Variants in FAM9C observed in about 807,000 individuals in gnomAD.
FAM9C encodes the protein family with sequence similarity 9 member C, also known as protein FAM9C.
Under a neutral mutation model 14.8 loss-of-function variants are expected in FAM9C, and 15 were observed. The ratio of observed to expected loss-of-function variants is 1.02; its 90% CI spans 0.68 to 1.56. The LOEUF (loss-of-function observed/expected upper bound fraction) is 1.56, where lower values mean the gene tolerates loss of function less well. FAM9C is among the 40% of genes most tolerant of loss of function. FAM9C has a pLI of 0.00. For synonymous variants in FAM9C, 45 were observed against 37.5 expected, an observed-to-expected ratio of 1.20 and a Z score of -0.74; for missense variants, 116 against 118.0, an observed-to-expected ratio of 0.98 and a Z score of 0.08.
At chrX:13,036,895 G>T (rs2043484041) in intron 7 of FAM9C, 1 of 110,899 alleles carries the variant, frequency 9.0e-6, no homozygotes, top group African/African-American at 3.3e-5. Flanking sequence ...TGTCCACTTA[G>T]TTGGCAAAAG....
At chrX:13,042,244 G>A (rs1250762244) in intron 4 of FAM9C, 5 of 111,720 alleles carry the variant, frequency 4.5e-5, no homozygotes. Flanking sequence ...GCTTGTTACT[G>A]GAATAATAAT....
In FAM9C at chrX:13,043,750, C is replaced by T. The variant is rs141427894; in HGVS notation, c.40G>A (p.Ala14Thr). Residue 14 changes from alanine to threonine, a missense_variant, in exon 2 of 8, where the codon GCC (alanine) becomes ACC (threonine). Ala to Thr is a moderately conservative substitution (Grantham distance 58). Transcript: ENST00000380625. Reference protein sequence around the residue: ...KDQLEVQVMAAQEMELAGKDP... With the variant: ...KDQLEVQVMATQEMELAGKDP... Reference sequence around the variant, plus strand: ...TTACCTGCAAGCTCCATTTCCTGGGCGGCCATAACTTGAACCTCCAACTGG... The same window carrying T: ...TTACCTGCAAGCTCCATTTCCTGGGTGGCCATAACTTGAACCTCCAACTGG... 2.5e-6 allele frequency: 3 copies of T among 1,212,122 alleles called. No individual in the cohort carries two copies. Among genetic ancestry groups the T allele is most frequent in the African/African-American group, 1.7e-5 (1 of 57,939 alleles).
In FAM9C at chrX:13,039,928, A is replaced by G. The variant is rs2043511678; in HGVS notation, c.330-12T>C. 1 of 1,170,764 alleles carries G rather than the reference A, an allele frequency of 8.5e-7. No homozygotes were observed. On this transcript the variant is annotated splice_polypyrimidine_tract_variant and intron_variant, in intron 5 of 7. Transcript: ENST00000380625. ...AATCACGTTTCTGCCTGTAACACAT[A>G]ATAAGTAACAAGGTCATACGTCATA...
chrX:13,042,613 T>C (rs148363427), intron 4 of FAM9C: 145 of 332,639 alleles, frequency 4.4e-4, no homozygotes, highest in African/African-American at 3.4e-3. Flanking sequence ...GTGTGTACAC[T>C]GAAAGGAACG....
At position 13,035,635 on chromosome X, in the gene FAM9C, T is replaced by C. The variant is rs913682051; in HGVS notation, c.*409A>G. The stretch of plus-strand genomic sequence containing the variant: ...GATAAAATAAGGGTTTGTCTTCTTT[T>C]ATTAGAGAAAAATGTACTTTTCCAT... On this transcript the variant is annotated 3_prime_UTR_variant, in exon 8 of 8. Transcript: ENST00000380625. The C allele has an allele frequency of 8.9e-6, 1 of 112,674 alleles. No individual in the cohort carries two copies. Among genetic ancestry groups the C allele is most frequent in the Non-Finnish European group, 1.9e-5 (1 of 53,259 alleles). 9.3% of individuals were successfully genotyped at this position (112,674 alleles called of 1,213,427 possible).
chrX:13,038,395 G>A, intron 7 of FAM9C, 21 bp downstream of exon 7: 24 of 1,101,520 alleles, frequency 2.2e-5, no homozygotes, highest in Non-Finnish European at 2.9e-5. Flanking sequence ...AGAACGTATT[G>A]TGTTACCAAA....
chrX:13,039,265 C>T (rs138259055), intron 6 of FAM9C, among the ~76,000 whole-genome samples: 201 of 111,321 alleles, frequency 1.8e-3, no homozygotes, highest in Non-Finnish European at 3.1e-3. Context: ...GCTCCAGAGT[C>T]GCAGCCCTTG....
chrX:13,040,325 C>T (rs184787991), intron 5 of FAM9C: 1 of 748,827 alleles, frequency 1.3e-6, no homozygotes, highest in East Asian at 1.5e-4. Flanking sequence ...TATTTCTCCA[C>T]TTTGGCACGA....
intron 7 of FAM9C, chrX:13,037,676 C>A (rs1166896909): frequency 1.8e-5 from 2 of 112,484 alleles, no homozygotes; most frequent in Non-Finnish European, 3.8e-5. Flanking sequence ...GAATATCTTA[C>A]CTCCCAGAAG....
chrX:13,040,974 G>A, intron 4 of FAM9C, 102 bp from the exon 5 acceptor site: 1 of 407,437 alleles, frequency 2.5e-6, no homozygotes, highest in Non-Finnish European at 4.0e-6. Context: ...AATATCAGAA[G>A]GACATTTAAA....
intron 2 of FAM9C, 119 bp from the exon 3 acceptor site, chrX:13,043,367 G>A: frequency 2.1e-6 from 2 of 958,856 alleles, no homozygotes; most frequent in Non-Finnish European, 2.8e-6. Context: ...AAGCTTTACC[G>A]CAGAGCTATA....
intron 4 of FAM9C, 173 bp downstream of exon 4, chrX:13,042,745 T>A: frequency 1.8e-6 from 1 of 552,536 alleles, no homozygotes; most frequent in Non-Finnish European, 3.1e-6. Flanking sequence ...ACATTCCACA[T>A]CAACAATTAA....
chrX:13,036,076 T>G (rs2043478129), intron 7 of FAM9C, 58 bp from the exon 8 acceptor site: 1 of 112,430 alleles, frequency 8.9e-6, no homozygotes, highest in Non-Finnish European at 1.9e-5. Context: ...AATAAAATAT[T>G]CCAGTGCTTA....
intron 1 of FAM9C, 39 bp from the exon 2 acceptor site, chrX:13,043,896 C>T (rs778717319): frequency 4.9e-6 from 4 of 824,119 alleles, no homozygotes; most frequent in East Asian, 6.6e-5. Context: ...ACTAAGGAAA[C>T]GAGGCGTGTT....
intron 7 of FAM9C, chrX:13,036,576 T>A (rs1186891434): frequency 1.8e-5 from 2 of 111,651 alleles, no homozygotes; most frequent in Non-Finnish European, 3.8e-5. Flanking sequence ...CCATTTGTTA[T>A]CACTAATAGT....
At chrX:13,040,655 C>A (rs2147291629) in intron 5 of FAM9C, 103 bp downstream of exon 5, 1 of 536,060 alleles carries the variant, frequency 1.9e-6, no homozygotes, top group East Asian at 4.1e-5. Context: ...ATGTTGTTCC[C>A]TAGAGACACC....
intron 5 of FAM9C, chrX:13,040,262 A>G: frequency 1.3e-6 from 1 of 742,489 alleles, no homozygotes. Flanking sequence ...AGGTGCAAGA[A>G]TATCATAGCC....
intron 5 of FAM9C, chrX:13,040,159 C>G (rs1190245459): frequency 3.0e-6 from 1 of 331,232 alleles, no homozygotes; most frequent in Non-Finnish European, 4.0e-6. Flanking sequence ...GGAGGGTTTA[C>G]TGCACTATAA....
chrX:13,043,900 G>C, intron 1 of FAM9C, 43 bp from the exon 2 acceptor site: 1 of 812,901 alleles, frequency 1.2e-6, no homozygotes. Context: ...AGGAAACGAG[G>C]CGTGTTAAAT....
Sources: gnomAD v4.1 joint callset for allele counts (sites outside exome capture counted in the v4.1 genomes callset) on GRCh38, gnomAD v4.1.1 for gene constraint, MANE v1.5 for transcripts, NCBI Gene and HGNC (gene_info 2026-07-23, HGNC 2026-07-21) for gene names.